MAP4K4: variants seen among roughly 807,000 people sequenced by gnomAD.
MAP4K4 encodes HPK/GCK-like kinase HGK.
In MAP4K4, 38 loss-of-function variants were observed where a neutral mutation model predicts 189.6. The ratio of observed to expected loss-of-function variants is 0.20; its 90% CI spans 0.15 to 0.26. MAP4K4 has a LOEUF of 0.26. MAP4K4 is among the 10% of genes least tolerant of loss of function. MAP4K4 has a pLI of 1.00. For synonymous variants in MAP4K4, 610 were observed against 624.3 expected, an observed-to-expected ratio of 0.98 and a Z score of 0.34; for missense variants, 1,054 against 1,726.9, an observed-to-expected ratio of 0.61 and a Z score of 6.91.
At chr2:101,869,582 C>T in intron 21 of MAP4K4, 40 bp from the exon 22 acceptor site, 1 of 1,525,254 alleles carries the variant, frequency 6.6e-7, no homozygotes, top group African/African-American at 1.4e-5. Flanking sequence ...TGTCCCTGCT[C>T]CTGCTTGCCT....
chr2:101,755,531 A>G (rs868131108), intron 2 of MAP4K4, among the ~76,000 whole-genome samples: 5 of 152,322 alleles, frequency 3.3e-5, no homozygotes, highest in Non-Finnish European at 7.3e-5. Flanking sequence ...TCTGAGTATC[A>G]TCTTACATCT....
chr2:101,801,153 A>C (rs976897256), intron 3 of MAP4K4, among the ~76,000 whole-genome samples: 1 of 152,002 alleles, frequency 6.6e-6, no homozygotes, highest in Admixed American at 6.6e-5. Flanking sequence ...CTGTACATGC[A>C]AAGTTTTGTT....
intron 2 of MAP4K4, among the ~76,000 whole-genome samples, chr2:101,774,676 A>C (rs527243155): frequency 6.6e-6 from 1 of 152,220 alleles, no homozygotes; most frequent in African/African-American, 2.4e-5. Flanking sequence ...AAAAACTATC[A>C]TAAAGTTAAA....
chr2:101,797,931 G>C (rs933282795), intron 3 of MAP4K4, among the ~76,000 whole-genome samples: 3 of 83,304 alleles, frequency 3.6e-5, no homozygotes, highest in African/African-American at 1.5e-4. Context: ...GTCTTACTCT[G>C]TTGCCCAAGC....
chr2:101,744,427 C>T (rs1020999740), intron 2 of MAP4K4, among the ~76,000 whole-genome samples: 2 of 152,182 alleles, frequency 1.3e-5, no homozygotes, highest in African/African-American at 4.8e-5. Context: ...TAATGGCTCT[C>T]GAAGTCCGAC....
chr2:101,812,868 C>G (rs2095514410), intron 3 of MAP4K4, among the ~76,000 whole-genome samples: 1 of 152,182 alleles, frequency 6.6e-6, no homozygotes, highest in African/African-American at 2.4e-5. Context: ...TGGCTCACGC[C>G]TGTAATCCCA....
chr2:101,769,804 A>C (rs868000825), intron 2 of MAP4K4, among the ~76,000 whole-genome samples: 1 of 151,848 alleles, frequency 6.6e-6, no homozygotes, highest in South Asian at 2.1e-4. Context: ...CTGGTCTCAA[A>C]CTCCTGACCT....
exon 26 of MAP4K4, chr2:101,874,187 A>G: frequency 1.2e-6 from 2 of 1,613,782 alleles, no homozygotes; most frequent in Non-Finnish European, 1.7e-6. Context: ...CCACAGAGTG[A>G]CACCCCGGAG....
At chr2:101,697,742 C>T (rs1346771106) in exon 1 of MAP4K4, 1 of 147,190 alleles carries the variant, frequency 6.8e-6, no homozygotes, top group Admixed American at 6.8e-5. Flanking sequence ...GCCCCACGCT[C>T]CGGGCCCGTC....
At chr2:101,743,418 G>A (rs1343916131) in intron 2 of MAP4K4, among the ~76,000 whole-genome samples, 1 of 151,578 alleles carries the variant, frequency 6.6e-6, no homozygotes, top group Non-Finnish European at 1.5e-5. Context: ...TTCATTTTTG[G>A]ATCCAGTGTT....
chr2:101,815,050 A>T (rs1331614796), intron 3 of MAP4K4, among the ~76,000 whole-genome samples: 1 of 152,256 alleles, frequency 6.6e-6, no homozygotes, highest in Non-Finnish European at 1.5e-5. Context: ...TCATTTTGAC[A>T]GCCAATACTT....
intron 3 of MAP4K4, among the ~76,000 whole-genome samples, chr2:101,806,471 G>T (rs4558604): frequency 0.07 from 10,554 of 151,446 alleles, 998 homozygotes; most frequent in African/African-American, 0.22. Flanking sequence ...CACCTCCCAG[G>T]TTCAAGCATT....
At chr2:101,783,776 C>T (rs2148660289) in intron 2 of MAP4K4, among the ~76,000 whole-genome samples, 1 of 152,340 alleles carries the variant, frequency 6.6e-6, no homozygotes, top group Middle Eastern at 3.4e-3. Flanking sequence ...GCCAGGTCTT[C>T]TCTCTTCTGT....
chr2:101,787,806 T>C (rs2091879606), intron 2 of MAP4K4, among the ~76,000 whole-genome samples: 1 of 143,618 alleles, frequency 7.0e-6, no homozygotes, highest in Non-Finnish European at 1.5e-5. Flanking sequence ...GAAGTTTGCT[T>C]TTTTTTTTTT....
intron 2 of MAP4K4, among the ~76,000 whole-genome samples, chr2:101,745,337 C>T (rs996382043): frequency 7.4e-6 from 1 of 134,458 alleles, no homozygotes; most frequent in Non-Finnish European, 1.6e-5. Flanking sequence ...CACCCCCCCC[C>T]CCCCAATACT....
chr2:101,812,511 A>G (rs1433168557), intron 3 of MAP4K4, among the ~76,000 whole-genome samples: 1 of 152,212 alleles, frequency 6.6e-6, no homozygotes, highest in East Asian at 1.9e-4. Flanking sequence ...TAAGGAACAC[A>G]ATGGCAAGTT....
intron 2 of MAP4K4, among the ~76,000 whole-genome samples, chr2:101,783,028 C>T (rs918576630): frequency 6.6e-6 from 1 of 152,074 alleles, no homozygotes; most frequent in Non-Finnish European, 1.5e-5. Context: ...CATAGGTTTC[C>T]ATATTTGCTA....
At chr2:101,879,760 G>T (rs754898630) in intron 27 of MAP4K4, among the ~76,000 whole-genome samples, 14 of 151,860 alleles carry the variant, frequency 9.2e-5, no homozygotes, top group Admixed American at 3.9e-4. Flanking sequence ...GAACATGTTA[G>T]GTTGATTTTG....
At chr2:101,737,925 A>G (rs1162239177) in intron 2 of MAP4K4, among the ~76,000 whole-genome samples, 1 of 152,138 alleles carries the variant, frequency 6.6e-6, no homozygotes, top group African/African-American at 2.4e-5. Context: ...GCCATGAATT[A>G]ATATTTATTG....
Sources: gnomAD v4.1 joint callset for allele counts (sites outside exome capture counted in the v4.1 genomes callset) on GRCh38, gnomAD v4.1.1 for gene constraint, MANE v1.5 for transcripts, NCBI Gene and HGNC (gene_info 2026-07-23, HGNC 2026-07-21) for gene names.